GBE1: variants seen among roughly 807,000 people sequenced by gnomAD.
The protein encoded by GBE1 is 1,4-alpha-glucan-branching enzyme.
Under a neutral mutation model 88.8 loss-of-function variants are expected in GBE1, and 70 were observed. The ratio of observed to expected loss-of-function variants is 0.79; its 90% CI spans 0.65 to 0.96. The LOEUF (loss-of-function observed/expected upper bound fraction) is 0.96, where lower values mean the gene tolerates loss of function less well. GBE1 is among the 40% of genes least tolerant of loss of function. The pLI is 0.00. For synonymous variants in GBE1, 284 were observed against 300.1 expected, an observed-to-expected ratio of 0.95 and a Z score of 0.56; for missense variants, 872 against 871.0, an observed-to-expected ratio of 1.00 and a Z score of -0.01.
At chr3:81,732,652 C>T (rs1261372790) in intron 1 of GBE1, among the ~76,000 whole-genome samples, 1 of 152,112 alleles carries the variant, frequency 6.6e-6, no homozygotes, top group East Asian at 1.9e-4. Context: ...TCCTAAGATA[C>T]TGATTCAAGT....
At chr3:81,532,472 C>T (rs1483465862) in intron 14 of GBE1, among the ~76,000 whole-genome samples, 1 of 152,002 alleles carries the variant, frequency 6.6e-6, no homozygotes, top group Non-Finnish European at 1.5e-5. Flanking sequence ...GAAAGGGTTT[C>T]GTATACTTTT....
chr3:81,497,610 T>A (rs1203598403), intron 15 of GBE1, among the ~76,000 whole-genome samples: 1 of 152,226 alleles, frequency 6.6e-6, no homozygotes, highest in Admixed American at 6.5e-5. Flanking sequence ...ATCTTTTCAC[T>A]ATACCTTCAG....
chr3:81,573,775 C>CTCTGTGTG (rs537918861), intron 12 of GBE1, among the ~76,000 whole-genome samples: 3 of 148,898 alleles, frequency 2.0e-5, no homozygotes, highest in African/African-American at 7.4e-5. Flanking sequence ...CTCTCTCTCT[C>CTCTGTGTG]TGTGTGTGTG....
At chr3:81,521,239 AG>A (rs1467577932) in intron 14 of GBE1, among the ~76,000 whole-genome samples, 3 of 151,696 alleles carry the variant, frequency 2.0e-5, no homozygotes, top group South Asian at 2.1e-4. Flanking sequence ...CTAGGGACAG[AG>A]GAAGTTTAAG....
At chr3:81,602,535 C>T (rs928124722) in intron 7 of GBE1, among the ~76,000 whole-genome samples, 1 of 152,114 alleles carries the variant, frequency 6.6e-6, no homozygotes, top group African/African-American at 2.4e-5. Context: ...GTGCCCACTT[C>T]TCACTGTATC....
At chr3:81,612,790 G>C (rs542055132) in intron 7 of GBE1, 18 of 432,476 alleles carry the variant, frequency 4.2e-5, no homozygotes, top group African/African-American at 3.3e-4. Flanking sequence ...GCAGGAGGTG[G>C]TCCAGAGAGC....
intron 1 of GBE1, among the ~76,000 whole-genome samples, chr3:81,719,507 A>G (rs1028799293): frequency 1.3e-5 from 2 of 152,174 alleles, no homozygotes; most frequent in Admixed American, 6.5e-5. Context: ...ATGAGCCACC[A>G]TGCCCAGTCT....
intron 1 of GBE1, chr3:81,743,435 C>G (rs1706378377): frequency 1.5e-6 from 1 of 663,478 alleles, no homozygotes; most frequent in Non-Finnish European, 2.6e-6. Context: ...CAATCATGAA[C>G]ACACATACAC....
intron 1 of GBE1, among the ~76,000 whole-genome samples, chr3:81,715,758 T>C (rs1464893806): frequency 6.6e-6 from 1 of 152,158 alleles, no homozygotes; most frequent in African/African-American, 2.4e-5. Flanking sequence ...GGAATGATAA[T>C]ATCATTGATG....
At chr3:81,675,787 T>G (rs903985865) in intron 2 of GBE1, among the ~76,000 whole-genome samples, 2 of 152,090 alleles carry the variant, frequency 1.3e-5, no homozygotes, top group African/African-American at 4.8e-5. Context: ...TTTAAGAACA[T>G]GTTTCCTATA....
At chr3:81,573,642 T>A (rs1297768169) in intron 12 of GBE1, among the ~76,000 whole-genome samples, 3 of 152,158 alleles carry the variant, frequency 2.0e-5, no homozygotes, top group Non-Finnish European at 2.9e-5. Flanking sequence ...CATAAAGAAA[T>A]CTTACAACAT....
chr3:81,707,763 G>T (rs1161028681), intron 1 of GBE1, among the ~76,000 whole-genome samples: 1 of 151,956 alleles, frequency 6.6e-6, no homozygotes, highest in Non-Finnish European at 1.5e-5. Context: ...AAAGAAATTT[G>T]TATACGAATT....
intron 10 of GBE1, among the ~76,000 whole-genome samples, chr3:81,582,470 A>G: frequency 6.6e-6 from 1 of 152,158 alleles, no homozygotes; most frequent in East Asian, 1.9e-4. Flanking sequence ...TAGTCCCAGT[A>G]AAACCCATTT....
At chr3:81,676,368 T>C (rs554041619) in intron 2 of GBE1, among the ~76,000 whole-genome samples, 1 of 152,090 alleles carries the variant, frequency 6.6e-6, no homozygotes, top group African/African-American at 2.4e-5. Flanking sequence ...TGGGGTGGCA[T>C]ATTAATGTTT....
At chr3:81,552,333 C>A (rs149359738) in intron 12 of GBE1, among the ~76,000 whole-genome samples, 2 of 152,208 alleles carry the variant, frequency 1.3e-5, no homozygotes, top group African/African-American at 4.8e-5. Flanking sequence ...GCCTGGCCAG[C>A]ATGGCGAAAT....
intron 7 of GBE1, among the ~76,000 whole-genome samples, chr3:81,638,986 T>C (rs546421222): frequency 6.6e-6 from 1 of 152,330 alleles, no homozygotes; most frequent in African/African-American, 2.4e-5. Context: ...AAGCAAGCCA[T>C]GTGCCATATT....
chr3:81,591,755 C>T (rs1156861893), intron 8 of GBE1, among the ~76,000 whole-genome samples: 1 of 152,048 alleles, frequency 6.6e-6, no homozygotes, highest in African/African-American at 2.4e-5. Flanking sequence ...CATTTACTTT[C>T]TATTCTTTCA....
intron 7 of GBE1, among the ~76,000 whole-genome samples, chr3:81,617,401 G>T (rs1704262713): frequency 6.6e-6 from 1 of 151,852 alleles, no homozygotes; most frequent in Non-Finnish European, 1.5e-5. Context: ...AGACTTGACA[G>T]TTCCCCTCTG....
chr3:81,657,399 T>C (rs1463784376), intron 3 of GBE1, among the ~76,000 whole-genome samples: 7 of 152,234 alleles, frequency 4.6e-5, no homozygotes, highest in Middle Eastern at 3.4e-3. Flanking sequence ...AAAATATCTA[T>C]TGAAAAAATT....
Sources: gnomAD v4.1 joint callset for allele counts (sites outside exome capture counted in the v4.1 genomes callset) on GRCh38, gnomAD v4.1.1 for gene constraint, MANE v1.5 for transcripts, NCBI Gene and HGNC (gene_info 2026-07-23, HGNC 2026-07-21) for gene names.